PCDHGA1: variants seen among roughly 807,000 people sequenced by gnomAD.
PCDHGA1 encodes the protein protocadherin gamma-A1.
PCDHGA1 carries 32 observed loss-of-function variants against 58.0 expected under a neutral mutation model. The observed-to-expected ratio is 0.55, with a 90% CI of 0.42 to 0.74. The LOEUF is 0.74. Among genes scored for constraint, PCDHGA1 ranks in the 30% least tolerant of loss-of-function variants. PCDHGA1 has a pLI of 0.00. For missense variants in PCDHGA1, 1,205 were observed against 1,182.3 expected (o/e 1.02, Z -0.28); for synonymous variants, 498 against 501.1 (o/e 0.99, Z 0.08).
chr5:141,390,234 G>A (rs1357417854), intron 1 of PCDHGA1: 15 of 1,614,046 alleles, frequency 9.3e-6, no homozygotes, highest in Non-Finnish European at 1.3e-5. Context: ...TGATTCATCT[G>A]GGGCCTTATT....
intron 1 of PCDHGA1, chr5:141,393,872 T>G (rs774307056): frequency 1.2e-6 from 2 of 1,613,898 alleles, no homozygotes; most frequent in Admixed American, 3.3e-5. Flanking sequence ...CGTCTTTGTT[T>G]AGCCCAGTGT....
At position 141,476,676 on chromosome 5, in the gene PCDHGA1, G is replaced by A. The variant is rs753538822; in HGVS notation, c.2422-18131G>A. The A allele has an allele frequency of 6.2e-7, 1 of 1,614,222 alleles. No individual in the cohort carries two copies. The highest frequency in any genetic ancestry group is 8.5e-7 in the Non-Finnish European group (1 of 1,180,054). On this transcript the variant is annotated intron_variant, in intron 1 of 3. Transcript: ENST00000517417. The surrounding 1 kb of genome is among the most constrained non-coding windows in gnomAD (Gnocchi z 7.6). ...TACTTTGCGCTTCGCGTGCAGACGC[G>A]GGAGGACAGCACCAAGTACGCGGAG...
chr5:141,369,529 T>C (rs1766316708), intron 1 of PCDHGA1, among the ~76,000 whole-genome samples: 1 of 152,170 alleles, frequency 6.6e-6, no homozygotes, highest in South Asian at 2.1e-4. Flanking sequence ...TCAATCATAC[T>C]TATTTAATTA....
Position 141,490,982 on chromosome 5 carries a change from G to A in PCDHGA1, c.2422-3825G>A, listed in dbSNP as rs964673026. 5 of 1,613,994 alleles carry A rather than the reference G, an allele frequency of 3.1e-6. No homozygotes were observed. Among genetic ancestry groups the A allele is most frequent in the Admixed American group, 1.7e-5 (1 of 60,020 alleles). On this transcript the variant is annotated intron_variant, in intron 1 of 3. Coordinates refer to ENST00000517417, the MANE Select transcript of PCDHGA1 (RefSeq NM_018912.3). This position sits in a 1 kb window ranked among gnomAD's most constrained non-coding sequence, Gnocchi z 5.4. The stretch of plus-strand genomic sequence containing the variant: ...CACTCAGCCCCCCAGCGTCTCCCTC[G>A]CTCTGCTCCTCCTGGCTCCTTGGTC...
chr5:141,366,873 G>A (rs1764838091), intron 1 of PCDHGA1: 6 of 1,393,396 alleles, frequency 4.3e-6, no homozygotes, highest in Non-Finnish European at 5.8e-6. Flanking sequence ...CTGTATTGGA[G>A]ATTAATTTTT....
At chr5:141,501,570 G>C (rs1251110101) in intron 2 of PCDHGA1, among the ~76,000 whole-genome samples, 1 of 151,996 alleles carries the variant, frequency 6.6e-6, no homozygotes, top group African/African-American at 2.4e-5. Flanking sequence ...ATCATATTAG[G>C]CTGGCTTTCA....
intron 1 of PCDHGA1, among the ~76,000 whole-genome samples, chr5:141,492,711 C>T (rs927567393): frequency 4.6e-5 from 7 of 152,254 alleles, no homozygotes; most frequent in East Asian, 3.8e-4. Flanking sequence ...AAGCCTCGAG[C>T]AGGCGGACAG....
At position 141,509,122 on chromosome 5, in the gene PCDHGA1, G is replaced by A. The variant is rs2099875312; in HGVS notation, c.2570-1825G>A. 2.0e-5 allele frequency among the ~76,000 whole-genome samples: 3 copies of A among 152,154 alleles called. No homozygotes were observed. In the South Asian group the frequency reaches 6.2e-4, roughly 32 times the overall value. The stretch of plus-strand genomic sequence containing the variant: ...AGAAACCTGAGCGCTGGTGCGTGAA[G>A]AGAAAAACCGAGGCGCATCCCGGCT... On this transcript the variant is annotated intron_variant, in intron 3 of 3. Transcript: ENST00000517417.
intron 1 of PCDHGA1, among the ~76,000 whole-genome samples, chr5:141,425,869 C>T (rs1376765137): frequency 2.0e-5 from 3 of 152,198 alleles, no homozygotes. Context: ...TATAGATTCC[C>T]ATCTCTAAGG....
At chr5:141,367,142 G>A (rs1224581067) in intron 1 of PCDHGA1, 1 of 171,748 alleles carries the variant, frequency 5.8e-6, no homozygotes, top group African/African-American at 2.4e-5. Flanking sequence ...AAAGGATAAT[G>A]TATAGGACTG....
chr5:141,415,660 T>C, intron 1 of PCDHGA1: 2 of 1,583,052 alleles, frequency 1.3e-6, no homozygotes, highest in Non-Finnish European at 8.6e-7. Context: ...AAAGATTGGT[T>C]TTTACTTTGA....
chr5:141,471,444 A>T (rs1366430114), intron 1 of PCDHGA1: 1 of 152,150 alleles, frequency 6.6e-6, no homozygotes, highest in Non-Finnish European at 1.5e-5. Flanking sequence ...AATCTCATGT[A>T]CCTTTTGAAA....
At chr5:141,404,205 A>G in intron 1 of PCDHGA1, 3 of 1,613,770 alleles carry the variant, frequency 1.9e-6, no homozygotes, top group Non-Finnish European at 1.7e-6. Context: ...GCCTCAGAAT[A>G]TAATATCACG....
chr5:141,481,348 T>C (rs2099536105), intron 1 of PCDHGA1, among the ~76,000 whole-genome samples: 1 of 152,250 alleles, frequency 6.6e-6, no homozygotes, highest in Non-Finnish European at 1.5e-5. Flanking sequence ...TATTTAAACA[T>C]CTACAGCTGT....
At chr5:141,421,702 A>G (rs2096594027) in intron 1 of PCDHGA1, 1 of 1,613,950 alleles carries the variant, frequency 6.2e-7, no homozygotes, top group Non-Finnish European at 8.5e-7. Context: ...TCCTAATGCT[A>G]GGGATCCAGA....
intron 1 of PCDHGA1, chr5:141,371,237 C>A (rs957754662): frequency 5.0e-6 from 8 of 1,614,002 alleles, no homozygotes; most frequent in Non-Finnish European, 5.1e-6. Context: ...TCTATGCCTT[C>A]ATCAATATTG....
intron 2 of PCDHGA1, among the ~76,000 whole-genome samples, chr5:141,497,602 C>T (rs948023459): frequency 2.0e-5 from 3 of 148,260 alleles, no homozygotes; most frequent in East Asian, 2.0e-4. Flanking sequence ...TGCAGTGGTG[C>T]GATCTTGGCT....
rs1438257730 is a variant in PCDHGA1, at chr5:141,477,587, C to G, written c.2422-17220C>G. 4.3e-6 allele frequency: 7 copies of G among 1,614,094 alleles called. 1 individual carries two copies. In the South Asian group the frequency reaches 7.7e-5, roughly 18 times the overall value. ...GGACCCCGACGCCCCGCAGAATGCT[C>G]GGCTTTCTTTCTTTCTCTTGGAGCA... On this transcript the variant is annotated intron_variant, in intron 1 of 3. Transcript: ENST00000517417. The surrounding 1 kb of genome is among the most constrained non-coding windows in gnomAD (Gnocchi z 4.9).
intron 1 of PCDHGA1, chr5:141,418,485 A>T: frequency 6.2e-7 from 1 of 1,614,028 alleles, no homozygotes; most frequent in Non-Finnish European, 8.5e-7. Flanking sequence ...AGCGCTCACC[A>T]CTTGGTACTG....
Sources: allele counts gnomAD v4.1 joint callset (sites outside exome capture counted in the v4.1 genomes callset), GRCh38; gene constraint gnomAD v4.1.1; non-coding constraint Gnocchi (gnomAD v3.1); transcripts MANE v1.5; gene names NCBI Gene and HGNC (gene_info 2026-07-23, HGNC 2026-07-21).